ZBTB38: variants seen among roughly 807,000 people sequenced by gnomAD.
ZBTB38 encodes zinc finger and BTB domain-containing protein 38.
Under a neutral mutation model 76.8 loss-of-function variants are expected in ZBTB38, and 20 were observed. The ratio of observed to expected loss-of-function variants is 0.26; its 90% confidence interval spans 0.18 to 0.38. The LOEUF (loss-of-function observed/expected upper bound fraction) is 0.38. Among genes scored for constraint, ZBTB38 ranks in the 10% least tolerant of loss-of-function variants. The probability of loss-of-function intolerance (pLI) is 1.00; values close to 1 mark genes in which losing one functional copy is unlikely to be tolerated. For missense variants in ZBTB38, 1,082 were observed against 1,482.3 expected (o/e 0.73, Z 4.43); for synonymous variants, 504 against 544.2 (o/e 0.93, Z 1.03).
chr3:141,356,946 C>A (rs1943680504), intron 1 of ZBTB38, among the ~76,000 whole-genome samples: 2 of 152,168 alleles, frequency 1.3e-5, no homozygotes, highest in South Asian at 4.1e-4. Context: ...AATGTAATAT[C>A]TGTTCATTGC....
intron 3 of ZBTB38, chr3:141,384,924 A>C (rs1946726584): frequency 6.6e-6 from 1 of 152,232 alleles, no homozygotes; most frequent in South Asian, 2.1e-4. Context: ...TAAAGTGTAT[A>C]GGATATAGGA....
intron 4 of ZBTB38, among the ~76,000 whole-genome samples, chr3:141,391,298 A>G (rs1948800910): frequency 6.6e-6 from 1 of 152,254 alleles, no homozygotes; most frequent in South Asian, 2.1e-4. Context: ...AGAAGGATCT[A>G]GTCAGGTGAA....
At chr3:141,368,216 C>T (rs1474856680), upstream of ZBTB38, 2 of 152,374 alleles carry the variant, frequency 1.3e-5, no homozygotes, top group African/African-American at 2.4e-5. Context: ...GGCCATGCCT[C>T]TGCCATGCAG....
At chr3:141,394,509 G>A (rs1437873968) in intron 4 of ZBTB38, 2 of 152,192 alleles carry the variant, frequency 1.3e-5, no homozygotes, top group East Asian at 3.9e-4. Context: ...CATCTACAAA[G>A]CACAGACTGA....
intron 1 of ZBTB38, among the ~76,000 whole-genome samples, chr3:141,340,462 G>A (rs1326227482): frequency 6.6e-6 from 1 of 152,128 alleles, no homozygotes; most frequent in Admixed American, 6.5e-5. Context: ...CCTACAAGGG[G>A]AGAAAATTTT....
chr3:141,372,792 C>T (rs1056458484), intron 2 of ZBTB38, among the ~76,000 whole-genome samples: 2 of 152,170 alleles, frequency 1.3e-5, no homozygotes, highest in Non-Finnish European at 2.9e-5. Flanking sequence ...GAAGTCCTAG[C>T]CTAACAGAGT....
At chr3:141,427,872 T>G (rs573993924) in intron 5 of ZBTB38, 15 of 152,612 alleles carry the variant, frequency 9.8e-5, no homozygotes, top group African/African-American at 3.6e-4. Context: ...AAAACCCATC[T>G]TCCTGAGGCA....
chr3:141,420,975 CA>C (rs1470707232), intron 5 of ZBTB38, among the ~76,000 whole-genome samples: 2 of 144,832 alleles, frequency 1.4e-5, no homozygotes, highest in Non-Finnish European at 3.0e-5. Context: ...GTTTGGAAGC[CA>C]TAGGAGAGGA....
intron 3 of ZBTB38, among the ~76,000 whole-genome samples, chr3:141,384,123 G>A (rs551772459): frequency 5.3e-5 from 8 of 152,330 alleles, no homozygotes; most frequent in Admixed American, 1.3e-4. Flanking sequence ...AACGTACCAC[G>A]TTTACTGATT....
chr3:141,419,130 G>T (rs1478126234), intron 5 of ZBTB38, among the ~76,000 whole-genome samples: 1 of 152,216 alleles, frequency 6.6e-6, no homozygotes, highest in Non-Finnish European at 1.5e-5. Context: ...AATCATGGCA[G>T]AAGGTAAAGG....
chr3:141,431,492 C>G (rs1317969412), intron 5 of ZBTB38, among the ~76,000 whole-genome samples: 1 of 151,526 alleles, frequency 6.6e-6, no homozygotes. Context: ...CAAGCTTGAT[C>G]CTGAGATGAA....
intron 4 of ZBTB38, chr3:141,392,596 G>C (rs1047153553): frequency 6.6e-6 from 1 of 152,244 alleles, no homozygotes; most frequent in Non-Finnish European, 1.5e-5. Flanking sequence ...TGGACTTTGT[G>C]TCTTGACCTC....
chr3:141,378,329 T>C (rs544349926), intron 2 of ZBTB38, among the ~76,000 whole-genome samples: 1 of 152,024 alleles, frequency 6.6e-6, no homozygotes, highest in South Asian at 2.1e-4. Context: ...CCTGCACATG[T>C]GATACGTTGC....
chr3:141,426,093 G>A, intron 5 of ZBTB38: 2 of 1,260,678 alleles, frequency 1.6e-6, no homozygotes, highest in Non-Finnish European at 1.0e-6. Flanking sequence ...TTTGTTTGGA[G>A]TATGGGCATG....
At chr3:141,348,524 T>C (rs1943428842) in intron 1 of ZBTB38, among the ~76,000 whole-genome samples, 2 of 152,230 alleles carry the variant, frequency 1.3e-5, no homozygotes, top group African/African-American at 2.4e-5. Flanking sequence ...TGACTGCAAA[T>C]TTAGATCCTT....
In ZBTB38 at chr3:141,443,727, A is replaced by G; in HGVS notation, c.1339A>G (p.Thr447Ala). The change falls in exon 6 of 6, where the codon ACG becomes GCG. Residue 447 changes from threonine (T) to alanine (A), a missense_variant. Coordinates refer to ENST00000321464, the MANE Select transcript of ZBTB38 (RefSeq NM_001376113.1). This position sits in a 1 kb window ranked among gnomAD's most constrained non-coding sequence, Gnocchi z 5.6. ...FSSTGSTLPDTDHMVKFVNGQ... is the reference protein window; with the variant it reads ...FSSTGSTLPDADHMVKFVNGQ... Reference sequence around the variant, plus strand: ...CAGTACCGGAAGTACTTTGCCAGACACGGACCACATGGTTAAATTTGTTAA... The same window carrying G: ...CAGTACCGGAAGTACTTTGCCAGACGCGGACCACATGGTTAAATTTGTTAA... 6.2e-7 allele frequency: 1 copy of G among 1,614,016 alleles called. No homozygotes were observed. The highest frequency in any genetic ancestry group is 1.1e-5 in the South Asian group (1 of 91,092).
At chr3:141,386,967 A>C (rs1200974780) in intron 4 of ZBTB38, 30 bp downstream of exon 4, 1 of 152,684 alleles carries the variant, frequency 6.5e-6, no homozygotes, top group Admixed American at 6.5e-5. Flanking sequence ...CTCCTTCCCC[A>C]GTGCTCGTGT....
At position 141,445,991 on chromosome 3, in the gene ZBTB38, A is replaced by G; in HGVS notation, c.*15A>G. 2 of 1,532,940 alleles carry G rather than the reference A, an allele frequency of 1.3e-6. No homozygotes were observed. Among genetic ancestry groups the G allele is most frequent in the Non-Finnish European group, 8.7e-7 (1 of 1,147,372 alleles). 95.0% of individuals were successfully genotyped at this position (1,532,940 alleles called of 1,614,324 possible). A position where few individuals can be genotyped will look rare whatever the true frequency, so the allele number is the denominator to read the frequency against. On this transcript the variant is annotated 3_prime_UTR_variant, in exon 6 of 6. Transcript: ENST00000321464. The surrounding 1 kb of genome is among the most constrained non-coding windows in gnomAD (Gnocchi z 6.5). Reference sequence around the variant, plus strand: ...TTGTCCTTTGAGTGGCAAGAATTAGAAAAATCTTCAAAAATATAGTTGGTG... The same window carrying G: ...TTGTCCTTTGAGTGGCAAGAATTAGGAAAATCTTCAAAAATATAGTTGGTG...
intron 1 of ZBTB38, among the ~76,000 whole-genome samples, chr3:141,351,298 A>G (rs1265069927): frequency 6.6e-6 from 1 of 151,336 alleles, no homozygotes; most frequent in African/African-American, 2.4e-5. Flanking sequence ...TACAATTCAC[A>G]ATTTTTAAAA....
Sources: allele counts gnomAD v4.1 joint callset (sites outside exome capture counted in the v4.1 genomes callset), GRCh38; gene constraint gnomAD v4.1.1; non-coding constraint Gnocchi (gnomAD v3.1); transcripts MANE v1.5; gene names NCBI Gene and HGNC (gene_info 2026-07-23, HGNC 2026-07-21).